ZBTB7C: variants seen among roughly 807,000 people sequenced by gnomAD.
ZBTB7C encodes the protein zinc finger and BTB domain containing 7C.
In ZBTB7C, 8 loss-of-function variants were observed where a neutral mutation model predicts 25.7. The observed-to-expected ratio is 0.31, with a 90% CI of 0.18 to 0.56. ZBTB7C has a LOEUF of 0.56. ZBTB7C is among the 20% of genes least tolerant of loss of function. The pLI, the probability that ZBTB7C is intolerant of heterozygous loss-of-function variation, is 0.91. For synonymous variants in ZBTB7C, 394 were observed against 369.0 expected (o/e 1.07, Z -0.78); for missense variants, 824 against 855.2 (o/e 0.96, Z 0.46).
chr18:48,385,750 C>G (rs938612263), intron 1 of ZBTB7C, among the ~76,000 whole-genome samples: 1 of 152,184 alleles, frequency 6.6e-6, no homozygotes, highest in African/African-American at 2.4e-5. Flanking sequence ...CGATATTTGC[C>G]GAGTCGTGAT....
chr18:48,154,416 A>G (rs575564509), intron 3 of ZBTB7C, among the ~76,000 whole-genome samples: 1 of 152,284 alleles, frequency 6.6e-6, no homozygotes, highest in Non-Finnish European at 1.5e-5. Flanking sequence ...AACCAGGGAG[A>G]GCAGGGGAAC....
chr18:48,104,124 A>G (rs934063117), intron 3 of ZBTB7C, among the ~76,000 whole-genome samples: 1 of 152,184 alleles, frequency 6.6e-6, no homozygotes, highest in Non-Finnish European at 1.5e-5. Flanking sequence ...GCCCGTCCAA[A>G]TCTCATGTGG....
chr18:48,062,728 G>T (rs990903453), intron 3 of ZBTB7C, among the ~76,000 whole-genome samples: 2 of 152,218 alleles, frequency 1.3e-5, no homozygotes, highest in Admixed American at 6.5e-5. Context: ...ACTCATGGGT[G>T]GCAGAGCTAG....
At chr18:48,047,012 A>G (rs2036500423) in intron 3 of ZBTB7C, among the ~76,000 whole-genome samples, 3 of 152,174 alleles carry the variant, frequency 2.0e-5, no homozygotes. Context: ...TCCTGGAGAA[A>G]CAGATGTAAC....
chr18:48,155,350 C>CA (rs2040808271), intron 3 of ZBTB7C, among the ~76,000 whole-genome samples: 2 of 98,676 alleles, frequency 2.0e-5, no homozygotes, highest in Non-Finnish European at 3.7e-5. Flanking sequence ...TTTTTTGAGA[C>CA]AGAGTCTCAC....
At chr18:48,034,403 C>T (rs576131166) in intron 4 of ZBTB7C, among the ~76,000 whole-genome samples, 2 of 152,240 alleles carry the variant, frequency 1.3e-5, no homozygotes, top group South Asian at 2.1e-4. Flanking sequence ...AACCCTGGCT[C>T]CTTCCCCGTG....
At chr18:48,060,581 T>G (rs2037091781) in intron 3 of ZBTB7C, among the ~76,000 whole-genome samples, 1 of 152,072 alleles carries the variant, frequency 6.6e-6, no homozygotes, top group African/African-American at 2.4e-5. Context: ...CCATTCCGCC[T>G]CCTCAGCTAA....
At chr18:48,344,882 G>T (rs2046692088) in intron 1 of ZBTB7C, among the ~76,000 whole-genome samples, 1 of 152,160 alleles carries the variant, frequency 6.6e-6, no homozygotes, top group Non-Finnish European at 1.5e-5. Flanking sequence ...TCATTCTCTG[G>T]ATTTTCTGGA....
At chr18:48,119,373 C>T (rs914027912) in intron 3 of ZBTB7C, among the ~76,000 whole-genome samples, 1 of 152,224 alleles carries the variant, frequency 6.6e-6, no homozygotes, top group Non-Finnish European at 1.5e-5. Flanking sequence ...CCAGCGCAGG[C>T]GCAAGCCCAG....
At chr18:48,277,082 A>G (rs2044681775) in intron 2 of ZBTB7C, among the ~76,000 whole-genome samples, 1 of 150,470 alleles carries the variant, frequency 6.6e-6, no homozygotes, top group Admixed American at 6.6e-5. Flanking sequence ...GGACATAGGC[A>G]TGGGCAAGGA....
At chr18:48,092,410 A>G (rs1420741914) in intron 3 of ZBTB7C, among the ~76,000 whole-genome samples, 1 of 152,226 alleles carries the variant, frequency 6.6e-6, no homozygotes, top group Admixed American at 6.5e-5. Context: ...TTTAAATATC[A>G]TGTAAACTGA....
At chr18:48,095,914 T>C (rs1568214517) in intron 3 of ZBTB7C, among the ~76,000 whole-genome samples, 1 of 152,046 alleles carries the variant, frequency 6.6e-6, no homozygotes, top group Non-Finnish European at 1.5e-5. Context: ...ACCTCTTATG[T>C]GGAACCCAGT....
chr18:48,321,210 A>G (rs1436492325), intron 2 of ZBTB7C, among the ~76,000 whole-genome samples: 2 of 152,138 alleles, frequency 1.3e-5, no homozygotes, highest in Non-Finnish European at 2.9e-5. Context: ...GGCCTGGTCT[A>G]GCTCCCCTGT....
At chr18:48,107,831 G>A (rs1013322816) in intron 3 of ZBTB7C, among the ~76,000 whole-genome samples, 1 of 152,184 alleles carries the variant, frequency 6.6e-6, no homozygotes, top group Non-Finnish European at 1.5e-5. Context: ...CAGGTGCCCA[G>A]TGAAGTGAGG....
At chr18:48,392,499 C>T (rs561066870) in intron 1 of ZBTB7C, among the ~76,000 whole-genome samples, 1 of 152,272 alleles carries the variant, frequency 6.6e-6, no homozygotes, top group Admixed American at 6.5e-5. Context: ...AAGATTGCTG[C>T]TTACTGGATA....
intron 1 of ZBTB7C, among the ~76,000 whole-genome samples, chr18:48,377,889 G>A (rs916227915): frequency 2.0e-5 from 3 of 152,148 alleles, no homozygotes; most frequent in African/African-American, 4.8e-5. Flanking sequence ...AAGAAAGGTC[G>A]GGCCAGGCAC....
chr18:48,190,871 T>G (rs1258670793), intron 2 of ZBTB7C, among the ~76,000 whole-genome samples: 4 of 152,142 alleles, frequency 2.6e-5, no homozygotes. Context: ...TCATGACATC[T>G]TCCCCCCACC....
At chr18:48,168,820 A>G (rs1227455571) in intron 3 of ZBTB7C, among the ~76,000 whole-genome samples, 2 of 152,234 alleles carry the variant, frequency 1.3e-5, no homozygotes, top group Non-Finnish European at 2.9e-5. Flanking sequence ...AGGCATAAAC[A>G]TGGCTTCTTA....
intron 3 of ZBTB7C, among the ~76,000 whole-genome samples, chr18:48,051,717 C>T (rs545586794): frequency 6.6e-6 from 1 of 152,234 alleles, no homozygotes; most frequent in South Asian, 2.1e-4. Flanking sequence ...GGCTGCCTGG[C>T]CTCAGTCACA....
Sources: gnomAD v4.1 joint callset for allele counts (sites outside exome capture counted in the v4.1 genomes callset) on GRCh38, gnomAD v4.1.1 for gene constraint, MANE v1.5 for transcripts, NCBI Gene and HGNC (gene_info 2026-07-23, HGNC 2026-07-21) for gene names.